The following WSCD1 variants were observed in gnomAD, a reference collection of about 807,000 sequenced individuals.
WSCD1 encodes WSC domain sialate O sulfotransferase 1.
A neutral mutation model predicts 60.4 loss-of-function variants in WSCD1; 41 were observed. The observed-to-expected ratio is 0.68, with a 90% CI of 0.53 to 0.88. The LOEUF (loss-of-function observed/expected upper bound fraction) is 0.88. WSCD1 is among the 40% of genes least tolerant of loss of function. The pLI, the probability that WSCD1 is intolerant of heterozygous loss-of-function variation, is 0.00. For synonymous variants in WSCD1, 361 were observed against 332.5 expected, an observed-to-expected ratio of 1.09 and a Z score of -0.93; for missense variants, 784 against 796.2, an observed-to-expected ratio of 0.98 and a Z score of 0.18.
intron 5 of WSCD1, among the ~76,000 whole-genome samples, chr17:6,103,694 C>A (rs532031190): frequency 6.6e-6 from 1 of 152,112 alleles, no homozygotes; most frequent in African/African-American, 2.4e-5. Flanking sequence ...CTACAGCGCA[C>A]GGAGAAGGGG....
intron 6 of WSCD1, 120 bp downstream of exon 6, chr17:6,109,886 G>C: frequency 7.3e-7 from 1 of 1,373,832 alleles, no homozygotes; most frequent in Non-Finnish European, 9.9e-7. Flanking sequence ...ATGTGTCTGT[G>C]TAAAGGTCTT....
chr17:6,120,383 C>A lies in WSCD1; in HGVS notation c.1450C>A (p.Arg484=). 1 of 1,614,012 alleles carries A rather than the reference C, an allele frequency of 6.2e-7. No homozygotes were observed. The highest frequency in any genetic ancestry group is 1.3e-5 in the African/African-American group (1 of 75,072). Residue 484 remains arginine, a synonymous_variant, in exon 9 of 9, where the codon CGG becomes AGG. Transcript: ENST00000317744. ...CCTGGACTGGCTCAAGTACGGGAAG[C>A]GGCTGCTGGTGGTGCACTACGAGGA... The part of the protein sequence containing the change: ...HVLDWLKYGK[R]LLVVHYEELR...
chr17:6,109,471 G>C, intron 5 of WSCD1, 136 bp from the exon 6 acceptor site: 1 of 1,263,062 alleles, frequency 7.9e-7, no homozygotes, highest in South Asian at 1.5e-5. Context: ...GTGGTGGAAG[G>C]ATGGTGGTCA....
intron 5 of WSCD1, among the ~76,000 whole-genome samples, chr17:6,102,940 G>C (rs149683622): frequency 6.6e-6 from 1 of 152,152 alleles, no homozygotes; most frequent in African/African-American, 2.4e-5. Flanking sequence ...ATAAGGAATT[G>C]CTGGGGCAAA....
At chr17:6,086,333 G>T (rs1038032796) in intron 2 of WSCD1, among the ~76,000 whole-genome samples, 2 of 145,024 alleles carry the variant, frequency 1.4e-5, no homozygotes, top group Non-Finnish European at 3.0e-5. Flanking sequence ...TACTATAATT[G>T]TTCATTCATA....
At position 6,120,751 on chromosome 17, in the gene WSCD1, C is replaced by T. The variant is rs765250551; in HGVS notation, c.*90C>T. On this transcript the variant is annotated 3_prime_UTR_variant, in exon 9 of 9. Transcript: ENST00000317744. ...ACTCTGATGCTCAGGCCCGTGGCCTCACTGGGACGAACGGTGGGTGGGGGG... is the reference window on the plus strand; with the variant it reads ...ACTCTGATGCTCAGGCCCGTGGCCTTACTGGGACGAACGGTGGGTGGGGGG... 9 of 1,393,168 alleles carry T rather than the reference C, an allele frequency of 6.5e-6. No homozygotes were observed. The highest frequency in any genetic ancestry group is 8.7e-6 in the Non-Finnish European group (9 of 1,031,574). The allele number at this position is 1,393,168 out of a possible 1,614,324, so 86.3% of individuals were successfully genotyped here.
chr17:6,087,057 G>A (rs995653667), intron 2 of WSCD1, among the ~76,000 whole-genome samples: 4 of 152,188 alleles, frequency 2.6e-5, no homozygotes, highest in African/African-American at 4.8e-5. Context: ...TCCAGATCTC[G>A]GCGCAGCTAT....
intron 3 of WSCD1, among the ~76,000 whole-genome samples, 158 bp from the exon 4 acceptor site, chr17:6,090,163 G>A (rs41314093): frequency 0.084 from 12,824 of 152,184 alleles, 725 homozygotes; most frequent in East Asian, 0.18. Context: ...TAACCTGCAC[G>A]TTGTGCACAT....
Position 6,124,141 on chromosome 17 carries a change from G to A in WSCD1, c.*3480G>A, listed in dbSNP as rs1479662237. On this transcript the variant is annotated 3_prime_UTR_variant, in exon 9 of 9. Coordinates refer to ENST00000317744, the MANE Select transcript of WSCD1 (RefSeq NM_015253.2). ...TGTGAGTTAAGACAATGAAGCCAGA[G>A]GGAATTTCAAGACTTATGGGAATGC... 1 of 152,192 alleles carries A rather than the reference G, an allele frequency of 6.6e-6. No homozygotes were observed. Among genetic ancestry groups the A allele is most frequent in the Non-Finnish European group, 1.5e-5 (1 of 68,046 alleles). 9.4% of individuals were successfully genotyped at this position (152,192 alleles called of 1,614,324 possible). A position where few individuals can be genotyped will look rare whatever the true frequency, so the allele number is the denominator to read the frequency against.
rs147378606 is a variant in WSCD1, at chr17:6,088,016, G to C, written c.454G>C (p.Asp152His). Residue 152 changes from aspartate to histidine, a missense_variant, in exon 3 of 9, where the codon GAT becomes CAT. Transcript: ENST00000317744. ...RGTYIGCFSD[D>H]GHERTLKGAV... is the part of the protein sequence containing the mutation. ...CACCTACATTGGATGCTTCAGTGACGATGGCCACGAGAGGACTCTGAAAGG... is the reference window on the plus strand; with the variant it reads ...CACCTACATTGGATGCTTCAGTGACCATGGCCACGAGAGGACTCTGAAAGG... 1 of 1,614,108 alleles carries C rather than the reference G, an allele frequency of 6.2e-7. No individual in the cohort carries two copies. The highest frequency in any genetic ancestry group is 1.1e-5 in the South Asian group (1 of 91,072).
intron 4 of WSCD1, among the ~76,000 whole-genome samples, chr17:6,090,996 T>G (rs1297936018): frequency 2.0e-5 from 3 of 152,156 alleles, no homozygotes; most frequent in African/African-American, 4.8e-5. Context: ...GTTCAAACAA[T>G]TCTCCTGCCT....
chr17:6,083,536 C>T (rs760150430), intron 2 of WSCD1, among the ~76,000 whole-genome samples: 13 of 152,214 alleles, frequency 8.5e-5, no homozygotes, highest in Admixed American at 3.9e-4. Context: ...TGAGCCACCA[C>T]GCCCAGCCGA....
intron 7 of WSCD1, among the ~76,000 whole-genome samples, chr17:6,114,460 A>G (rs944747453): frequency 6.6e-6 from 1 of 152,096 alleles, no homozygotes; most frequent in African/African-American, 2.4e-5. Context: ...ACAGTTGACA[A>G]TAATTGATTG....
At chr17:6,071,980 C>T (rs1811167) in intron 1 of WSCD1, among the ~76,000 whole-genome samples, 86,375 of 152,084 alleles carry the variant, frequency 0.57, 24,740 homozygotes, top group African/African-American at 0.64. Flanking sequence ...GGAGGCTTGG[C>T]GGTGGTTGGG....
chr17:6,078,875 C>T (rs1280052788), intron 1 of WSCD1, among the ~76,000 whole-genome samples: 9 of 152,146 alleles, frequency 5.9e-5, no homozygotes, highest in Non-Finnish European at 1.2e-4. Flanking sequence ...GGGATTTTCT[C>T]TGTGGTTTTA....
chr17:6,090,226 T>C, intron 3 of WSCD1, 95 bp from the exon 4 acceptor site: 5 of 1,286,756 alleles, frequency 3.9e-6, no homozygotes, highest in Non-Finnish European at 5.2e-6. Context: ...AAAAACATAC[T>C]TTCTAATCTA....
chr17:6,124,019 T>C lies in WSCD1; in HGVS notation c.*3358T>C, dbSNP rs115686170. 6 of 152,324 alleles carry C rather than the reference T, an allele frequency of 3.9e-5. No individual in the cohort carries two copies. The highest frequency in any genetic ancestry group is 1.2e-4 in the African/African-American group (5 of 41,566). 9.4% of individuals were successfully genotyped at this position (152,324 alleles called of 1,614,324 possible). On this transcript the variant is annotated 3_prime_UTR_variant, in exon 9 of 9. Transcript: ENST00000317744. Reference sequence around the variant, plus strand: ...CATTTCTGTTTGGGAATTCATATGATCTGCCAGAGCCTCTCCAGGGGTGGA... The same window carrying C: ...CATTTCTGTTTGGGAATTCATATGACCTGCCAGAGCCTCTCCAGGGGTGGA...
Position 6,120,670 on chromosome 17 carries a change from G to A in WSCD1, c.*9G>A. 2 of 1,598,208 alleles carry A rather than the reference G, an allele frequency of 1.3e-6. No homozygotes were observed. Among genetic ancestry groups the A allele is most frequent in the African/African-American group, 1.3e-5 (1 of 74,756 alleles). On this transcript the variant is annotated 3_prime_UTR_variant, in exon 9 of 9. Transcript: ENST00000317744. ...AGTATGTGCCCAGATGATAGGCCTGGCCCACGCCGCCGCCCCCGCTGAGTG... is the reference window on the plus strand; with the variant it reads ...AGTATGTGCCCAGATGATAGGCCTGACCCACGCCGCCGCCCCCGCTGAGTG...
At chr17:6,072,720 G>A (rs534553623) in intron 1 of WSCD1, among the ~76,000 whole-genome samples, 12 of 152,192 alleles carry the variant, frequency 7.9e-5, no homozygotes, top group Non-Finnish European at 1.5e-4. Flanking sequence ...GTGGCTTTCC[G>A]CTCACCACCT....
Sources: allele counts gnomAD v4.1 joint callset (sites outside exome capture counted in the v4.1 genomes callset), GRCh38; gene constraint gnomAD v4.1.1; transcripts MANE v1.5; gene names NCBI Gene and HGNC (gene_info 2026-07-23, HGNC 2026-07-21).